Variants in ZNF8 observed in about 807,000 individuals in gnomAD.
The protein encoded by ZNF8 is zinc finger protein 8.
Under a neutral mutation model 12.2 loss-of-function variants are expected in ZNF8, and 9 were observed. The ratio of observed to expected loss-of-function variants is 0.73; its 90% confidence interval spans 0.44 to 1.28. The LOEUF (loss-of-function observed/expected upper bound fraction) is 1.28, where lower values mean the gene tolerates loss of function less well. Among genes scored for constraint, ZNF8 ranks in the 50% most tolerant of loss-of-function variants. The probability of loss-of-function intolerance (pLI) is 0.00; values close to 1 mark genes in which losing one functional copy is unlikely to be tolerated. For synonymous variants in ZNF8, 274 were observed against 282.3 expected (o/e 0.97, Z 0.30); for missense variants, 664 against 729.1 (o/e 0.91, Z 1.03).
In ZNF8 at chr19:58,295,338, A is replaced by G. The variant is rs2051447512; in HGVS notation, c.1530A>G (p.Ser510=). 1 of 1,614,212 alleles carries G rather than the reference A, an allele frequency of 6.2e-7. No homozygotes were observed. The highest frequency in any genetic ancestry group is 8.5e-7 in the Non-Finnish European group (1 of 1,180,014). Residue 510 remains serine (S), a synonymous_variant, in exon 4 of 4, where the codon TCA becomes TCG. Coordinates refer to ENST00000621650, the MANE Select transcript of ZNF8 (RefSeq NM_021089.3). ...RRREQSSSRN[S]HLVQHQHPNS... ...GTGAACAATCCTCGAGCAGGAACTC[A>G]CACCTGGTTCAGCATCAACACCCGA... is the stretch of plus-strand genomic sequence containing the variant.
chr19:58,295,700 C>T lies in ZNF8; in HGVS notation c.*164C>T, dbSNP rs986542082. 9 of 622,510 alleles carry T rather than the reference C, an allele frequency of 1.4e-5. No homozygotes were observed. The African/African-American group carries it at 1.5e-4, about 10-fold the overall frequency. The allele number at this position is 622,510 out of a possible 1,614,324, so 38.6% of individuals were successfully genotyped here. On this transcript the variant is annotated 3_prime_UTR_variant, in exon 4 of 4. Transcript: ENST00000621650. ...CACCCGAGGTTGGTTGGTCCCAAAT[C>T]TATCAAACTCAGTGCCCTCTTTAGC...
Position 58,301,335 on chromosome 19 carries a change from AT to A in ZNF8, c.*5802del, listed in dbSNP as rs2051490593. The A allele has an allele frequency of 1.3e-5, 2 of 152,156 alleles. No homozygotes were observed. Among genetic ancestry groups the A allele is most frequent in the South Asian group, 4.1e-4 (2 of 4,822 alleles). The allele number at this position is 152,156 out of a possible 1,614,324, so 9.4% of individuals were successfully genotyped here. ...GTCCTGTTGATTTTGCCATGTAAAC[AT>A]TTCGGATTTGCTTACTTCATCCCCA... On this transcript the variant is annotated 3_prime_UTR_variant, in exon 4 of 4. Transcript: ENST00000621650.
chr19:58,279,630 C>T (rs941869314), intron 1 of ZNF8: 5 of 1,534,110 alleles, frequency 3.3e-6, no homozygotes, highest in Admixed American at 3.9e-5. Context: ...GGGGCTTGGG[C>T]ACAACCTCTT....
Position 58,294,574 on chromosome 19 carries a change from C to G in ZNF8, c.766C>G (p.Pro256Ala). 1.2e-6 allele frequency: 2 copies of G among 1,614,122 alleles called. No individual in the cohort carries two copies. The highest frequency in any genetic ancestry group is 1.7e-6 in the Non-Finnish European group (2 of 1,180,038). ...CACAAAAAGCCAGGTGCAGGACAAA[C>G]CCTACAAATGTACTGACTGTGGGAA... ...ELTKSQVQDK[P>A]YKCTDCGKSF... Residue 256 changes from proline to alanine, a missense_variant, in exon 4 of 4, where the codon CCC (proline) becomes GCC (alanine). By Grantham distance (27) the Pro-to-Ala change is conservative. Coordinates refer to ENST00000621650, the MANE Select transcript of ZNF8 (RefSeq NM_021089.3). This position sits in a 1 kb window ranked among gnomAD's most constrained non-coding sequence, Gnocchi z 5.5.
intron 3 of ZNF8, among the ~76,000 whole-genome samples, chr19:58,293,836 T>G (rs1245519693): frequency 6.6e-6 from 1 of 152,238 alleles, no homozygotes; most frequent in Non-Finnish European, 1.5e-5. Flanking sequence ...AAGTGTGTTT[T>G]AAGTTACAGC....
rs2051444018 is a variant in ZNF8, at chr19:58,294,987, G to A, written c.1179G>A (p.Glu393=). The change falls in exon 4 of 4, where the codon GAG becomes GAA. Residue 393 remains glutamate (E), a synonymous_variant. Coordinates refer to ENST00000621650, the MANE Select transcript of ZNF8 (RefSeq NM_021089.3). The surrounding 1 kb of genome is among the most constrained non-coding windows in gnomAD (Gnocchi z 5.5). ...CLFLHLRTHT[E]ERPYECNHCG... ...TCCTGCACCTGAGAACTCACACCGA[G>A]GAGAGGCCCTACGAGTGTAACCACT... The A allele has an allele frequency of 1.9e-6, 3 of 1,613,980 alleles. No homozygotes were observed. The highest frequency in any genetic ancestry group is 1.3e-5 in the African/African-American group (1 of 74,930).
intron 3 of ZNF8, among the ~76,000 whole-genome samples, chr19:58,290,984 A>G (rs1397872417): frequency 1.3e-5 from 2 of 152,206 alleles, no homozygotes; most frequent in South Asian, 4.1e-4. Context: ...AGCTGAGATC[A>G]TGCCACTGCA....
At chr19:58,279,481 C>G (rs573316284) in intron 1 of ZNF8, 104 of 1,466,472 alleles carry the variant, frequency 7.1e-5, no homozygotes, top group Non-Finnish European at 9.3e-5. Context: ...CCAGGAAGGT[C>G]TGTCCTCGTG....
chr19:58,291,552 G>A lies in ZNF8; in HGVS notation c.290-2546G>A, dbSNP rs117783613. On this transcript the variant is annotated intron_variant, in intron 3 of 3. Transcript: ENST00000621650. ...TCTCTCAGGCAGTCTCCCAGCTCAC[G>A]AGCCTGTTCCATGGATGTTCCTGAG... is the stretch of plus-strand genomic sequence containing the variant. 7.8e-3 allele frequency among the ~76,000 whole-genome samples: 1,188 copies of A among 152,296 alleles called. 12 individuals are homozygous for A. Among genetic ancestry groups the A allele is most frequent in the Admixed American group, 0.021 (318 of 15,300 alleles).
intron 3 of ZNF8, among the ~76,000 whole-genome samples, chr19:58,290,164 A>C (rs2051409637): frequency 8.2e-6 from 1 of 121,254 alleles, no homozygotes. Flanking sequence ...CCCAGACTGG[A>C]CTGCAGTGGC....
chr19:58,291,933 G>A (rs576725600), intron 3 of ZNF8, among the ~76,000 whole-genome samples: 1 of 152,084 alleles, frequency 6.6e-6, no homozygotes, highest in African/African-American at 2.4e-5. Context: ...CAGAGTGGGC[G>A]TGGGGCAAGA....
chr19:58,280,061 C>G, intron 1 of ZNF8: 1 of 365,846 alleles, frequency 2.7e-6, no homozygotes, highest in Non-Finnish European at 5.1e-6. Flanking sequence ...AGGAATGAGT[C>G]GTAAGAAAGG....
In ZNF8 at chr19:58,279,140, G is replaced by A. The variant is rs1172279256; in HGVS notation, c.59G>A (p.Arg20Gln). Residue 20 changes from arginine (R) to glutamine (Q), a missense_variant, in exon 1 of 4, where the codon CGG becomes CAG. Arg to Gln is a conservative substitution (Grantham distance 43). Coordinates refer to ENST00000621650, the MANE Select transcript of ZNF8 (RefSeq NM_021089.3). ...ATGTCTGTGGGGCCGCCGGCGGCCC[G>A]GCTTCAGGTAACAATAACAACAATA... ...GVMSVGPPAA[R>Q]LQEPVTFRDV... The A allele has an allele frequency of 1.0e-5, 16 of 1,562,376 alleles. No individual in the cohort carries two copies. The highest frequency in any genetic ancestry group is 7.5e-5 in the Admixed American group (4 of 53,348).
In ZNF8 at chr19:58,279,112, G is replaced by A; in HGVS notation, c.31G>A (p.Val11Met). The A allele has an allele frequency of 1.9e-6, 3 of 1,557,832 alleles. No individual in the cohort carries two copies. The highest frequency in any genetic ancestry group is 2.4e-5 in the South Asian group (2 of 83,696). MDPEDEGVAG[V>M]MSVGPPAARL... is the part of the protein sequence containing the mutation. ...CCCCGAGGACGAAGGGGTAGCGGGAGTGATGTCTGTGGGGCCGCCGGCGGC... is the reference window on the plus strand; with the variant it reads ...CCCCGAGGACGAAGGGGTAGCGGGAATGATGTCTGTGGGGCCGCCGGCGGC... Residue 11 changes from valine (V) to methionine (M), a missense_variant, in exon 1 of 4, where the codon GTG (valine) becomes ATG (methionine). By Grantham distance (21) the Val-to-Met change is conservative. Around this residue, in one of 3 missense-constraint regions of ZNF8, gnomAD observed 306 missense variants for 308.7 expected, o/e 0.99. Coordinates refer to ENST00000621650, the MANE Select transcript of ZNF8 (RefSeq NM_021089.3).
At chr19:58,287,031 A>G (rs567055896) in intron 3 of ZNF8, among the ~76,000 whole-genome samples, 1 of 152,062 alleles carries the variant, frequency 6.6e-6, no homozygotes, top group Non-Finnish European at 1.5e-5. Context: ...TTGCATGTCC[A>G]GATTCTTTGT....
chr19:58,287,998 C>T (rs1430860279), intron 3 of ZNF8, among the ~76,000 whole-genome samples: 2 of 143,266 alleles, frequency 1.4e-5, no homozygotes, highest in Non-Finnish European at 3.0e-5. Context: ...GCCACTATGC[C>T]TGACTTTTTG....
chr19:58,279,831 AAAC>A (rs779542922), intron 1 of ZNF8: 11 of 1,396,216 alleles, frequency 7.9e-6, no homozygotes, highest in South Asian at 1.2e-5. Flanking sequence ...GCGTGGCAGG[AAAC>A]AACAATAATT....
In ZNF8 at chr19:58,279,043, G is replaced by T; in HGVS notation, c.-39G>T. 1 of 1,400,880 alleles carries T rather than the reference G, an allele frequency of 7.1e-7. No individual in the cohort carries two copies. Among genetic ancestry groups the T allele is most frequent in the Non-Finnish European group, 9.4e-7 (1 of 1,068,808 alleles). The allele number at this position is 1,400,880 out of a possible 1,614,324, so 86.8% of individuals were successfully genotyped here. On this transcript the variant is annotated 5_prime_UTR_variant, in exon 1 of 4. Transcript: ENST00000621650. ...TGGCTGGAGTGCCTCTCTGGTCTGG[G>T]GATCACCTCAGGCGCTGTCCTTCAC...
In ZNF8 at chr19:58,298,032, T is replaced by C. The variant is rs2051466713; in HGVS notation, c.*2496T>C. 1 of 151,960 alleles carries C rather than the reference T, an allele frequency of 6.6e-6. No individual in the cohort carries two copies. Among genetic ancestry groups the C allele is most frequent in the Non-Finnish European group, 1.5e-5 (1 of 67,992 alleles). 9.4% of individuals were successfully genotyped at this position (151,960 alleles called of 1,614,324 possible). On this transcript the variant is annotated 3_prime_UTR_variant, in exon 4 of 4. Coordinates refer to ENST00000621650, the MANE Select transcript of ZNF8 (RefSeq NM_021089.3). The stretch of plus-strand genomic sequence containing the variant: ...TCACTTAATTTCTTTTCTTTTCTTT[T>C]TTTTTTTTTTCTTTTGAGACGGAGT...
Sources: gnomAD v4.1 joint callset for allele counts (sites outside exome capture counted in the v4.1 genomes callset) on GRCh38, gnomAD v4.1.1 for gene constraint, gnomAD v4.1.1 regional missense constraint, Gnocchi (gnomAD v3.1) non-coding constraint, MANE v1.5 for transcripts, NCBI Gene and HGNC (gene_info 2026-07-23, HGNC 2026-07-21) for gene names.